ANKFN1: variants seen among roughly 807,000 people sequenced by gnomAD.
ANKFN1 encodes the protein ankyrin repeat and fibronectin type-III domain-containing protein 1.
In ANKFN1, 74 loss-of-function variants were observed where a neutral mutation model predicts 108.7. That is an observed-to-expected ratio of 0.68 (90% CI 0.56 to 0.83). ANKFN1 has a LOEUF of 0.83. ANKFN1 is among the 40% of genes least tolerant of loss of function. ANKFN1 has a pLI of 0.00. For missense variants in ANKFN1, 1,505 were observed against 1,382.3 expected (o/e 1.09, Z -1.41); for synonymous variants, 547 against 516.2 (o/e 1.06, Z -0.81).
Position 56,477,421 on chromosome 17 carries a change from A to G in ANKFN1, c.1774-67A>G, listed in dbSNP as rs954068565. On this transcript the variant is annotated intron_variant, in intron 15 of 20. Coordinates refer to ENST00000682825, the MANE Select transcript of ANKFN1 (RefSeq NM_001370326.1). ...ATGACAAGCCTTCCTTAGAAAGGAA[A>G]AGGTTTTGAGATTGCCCTTCGAGTT... 7 of 1,421,326 alleles carry G rather than the reference A, an allele frequency of 4.9e-6. No homozygotes were observed. In the African/African-American group the frequency reaches 1.0e-4, roughly 21 times the overall value. The allele number at this position is 1,421,326 out of a possible 1,614,324, so 88.0% of individuals were successfully genotyped here.
intron 1 of ANKFN1, among the ~76,000 whole-genome samples, chr17:56,160,390 A>C (rs1281161276): frequency 6.6e-6 from 1 of 152,108 alleles, no homozygotes; most frequent in East Asian, 1.9e-4. Context: ...CCTTATGGCT[A>C]ACTTTCTTTT....
At chr17:56,159,528 T>A (rs1173754351) in intron 1 of ANKFN1, among the ~76,000 whole-genome samples, 1 of 152,246 alleles carries the variant, frequency 6.6e-6, no homozygotes, top group Non-Finnish European at 1.5e-5. Flanking sequence ...TTTCCCCAGA[T>A]ATAATTTTGT....
chr17:56,381,946 A>G (rs1382851630), intron 8 of ANKFN1, among the ~76,000 whole-genome samples: 1 of 152,168 alleles, frequency 6.6e-6, no homozygotes, highest in East Asian at 1.9e-4. Flanking sequence ...CGCCACAAAG[A>G]TACTCCTCGA....
chr17:56,201,840 T>C (rs894603365), intron 1 of ANKFN1, among the ~76,000 whole-genome samples: 7 of 152,168 alleles, frequency 4.6e-5, no homozygotes, highest in African/African-American at 1.7e-4. Flanking sequence ...ACTGAAAAAC[T>C]AAATAGGAGA....
At chr17:56,279,411 G>C (rs1037015281) in intron 3 of ANKFN1, among the ~76,000 whole-genome samples, 2 of 152,118 alleles carry the variant, frequency 1.3e-5, no homozygotes, top group Non-Finnish European at 2.9e-5. Flanking sequence ...AATATTATCA[G>C]ATATTCTGTG....
At chr17:56,330,660 C>T (rs1210328905) in intron 4 of ANKFN1, among the ~76,000 whole-genome samples, 5 of 152,080 alleles carry the variant, frequency 3.3e-5, no homozygotes, top group Non-Finnish European at 7.4e-5. Flanking sequence ...AGTACTGCAT[C>T]CTGGAAACCC....
rs1389936403 is a variant in ANKFN1, at chr17:56,238,744, A to G, written c.53+10787A>G. 3.9e-5 allele frequency among the ~76,000 whole-genome samples: 6 copies of G among 152,066 alleles called. No homozygotes were observed. In the East Asian group the frequency reaches 1.2e-3, roughly 29 times the overall value. ...CCTTGTATTTAATGCAAGTTGTTTA[A>G]CTGTAAGTTTGAATAATTTAATTTG... On this transcript the variant is annotated intron_variant, in intron 3 of 20. Transcript: ENST00000682825.
chr17:56,437,826 C>T (rs574079792), intron 8 of ANKFN1, among the ~76,000 whole-genome samples: 9 of 151,468 alleles, frequency 5.9e-5, no homozygotes, highest in East Asian at 3.9e-4. Flanking sequence ...AGGTATAGAC[C>T]GATTTGAGTT....
intron 19 of ANKFN1, among the ~76,000 whole-genome samples, chr17:56,493,552 A>G (rs560551837): frequency 6.6e-6 from 1 of 152,312 alleles, no homozygotes; most frequent in Non-Finnish European, 1.5e-5. Flanking sequence ...AAAGATGTCA[A>G]TGATAGCAGA....
chr17:56,478,269 A>G (rs946395097), intron 16 of ANKFN1, among the ~76,000 whole-genome samples: 2 of 152,182 alleles, frequency 1.3e-5, no homozygotes, highest in African/African-American at 4.8e-5. Flanking sequence ...CGGTTAATGA[A>G]CAGCTGACCT....
chr17:56,062,559 C>CTTTTTTTTTTTTTTTTTTTTT (rs3085080), intron 4 of ANKFN1, among the ~76,000 whole-genome samples: 1 of 134,510 alleles, frequency 7.4e-6, no homozygotes, highest in African/African-American at 3.0e-5. Context: ...GTAATCTCTG[C>CTTTTTTTTTTTTTTTTTTTTT]TTTTTTTTTT....
At chr17:56,066,635 T>C (rs1905061375) in intron 4 of ANKFN1, among the ~76,000 whole-genome samples, 2 of 152,166 alleles carry the variant, frequency 1.3e-5, no homozygotes, top group Admixed American at 1.3e-4. Context: ...CATTTTTAGG[T>C]TAAGGTTCAA....
chr17:56,081,670 T>C (rs1905247640), intron 4 of ANKFN1, among the ~76,000 whole-genome samples: 1 of 152,174 alleles, frequency 6.6e-6, no homozygotes, highest in Admixed American at 6.5e-5. Context: ...GGGTTTTATA[T>C]GCTGACCTAC....
intron 11 of ANKFN1, among the ~76,000 whole-genome samples, chr17:56,449,795 T>C (rs898225378): frequency 6.6e-6 from 1 of 152,154 alleles, no homozygotes; most frequent in Non-Finnish European, 1.5e-5. Flanking sequence ...TTCATTTTTG[T>C]CCCATTCCCT....
intron 4 of ANKFN1, among the ~76,000 whole-genome samples, chr17:56,334,694 G>A (rs2045757746): frequency 6.6e-6 from 1 of 151,968 alleles, no homozygotes; most frequent in Middle Eastern, 3.2e-3. Flanking sequence ...AGTTGCTCAA[G>A]GTCATACAGT....
intron 7 of ANKFN1, 52 bp downstream of exon 7, chr17:56,372,892 A>T (rs1398198443): frequency 6.5e-7 from 1 of 1,543,362 alleles, no homozygotes; most frequent in African/African-American, 1.4e-5. Context: ...CCTCAGTTTG[A>T]GACAGCCAGG....
chr17:56,210,081 GATA>G (rs1914866030), intron 1 of ANKFN1, among the ~76,000 whole-genome samples: 3 of 152,116 alleles, frequency 2.0e-5, no homozygotes, highest in African/African-American at 7.2e-5. Flanking sequence ...TAGATAGATA[GATA>G]GATAGATAGA....
intron 14 of ANKFN1, among the ~76,000 whole-genome samples, chr17:56,463,629 A>T (rs1447957072): frequency 6.6e-6 from 1 of 152,176 alleles, no homozygotes; most frequent in Non-Finnish European, 1.5e-5. Flanking sequence ...TCTTACATTG[A>T]AAGGTGTCTA....
At chr17:56,423,003 C>T (rs1242687038) in intron 8 of ANKFN1, among the ~76,000 whole-genome samples, 2 of 152,222 alleles carry the variant, frequency 1.3e-5, no homozygotes, top group Non-Finnish European at 2.9e-5. Flanking sequence ...GTCAACACAA[C>T]TGCAGTCAGA....
Sources: gnomAD v4.1 joint callset for allele counts (sites outside exome capture counted in the v4.1 genomes callset) on GRCh38, gnomAD v4.1.1 for gene constraint, MANE v1.5 for transcripts, NCBI Gene and HGNC (gene_info 2026-07-23, HGNC 2026-07-21) for gene names.